TFAP2E: variants seen among roughly 807,000 people sequenced by gnomAD.
TFAP2E encodes the protein transcription factor AP-2 epsilon.
Under a neutral mutation model 37.9 loss-of-function variants are expected in TFAP2E, and 30 were observed. The ratio of observed to expected loss-of-function variants is 0.79; its 90% CI spans 0.59 to 1.07. TFAP2E has a LOEUF of 1.07. Among genes scored for constraint, TFAP2E ranks in the 50% least tolerant of loss-of-function variants. The pLI is 0.00. For missense variants in TFAP2E, 567 were observed against 637.9 expected, an observed-to-expected ratio of 0.89 and a Z score of 1.20; for synonymous variants, 318 against 295.8, an observed-to-expected ratio of 1.08 and a Z score of -0.77.
chr1:35,587,145 G>A (rs190091498), intron 3 of TFAP2E, among the ~76,000 whole-genome samples: 1 of 152,262 alleles, frequency 6.6e-6, no homozygotes, highest in East Asian at 1.9e-4. Context: ...CCACACCCGA[G>A]CCTCACTCCT....
At position 35,577,062 on chromosome 1, in the gene TFAP2E, C is replaced by CAGTGGAGCG. The variant is rs1245548607; in HGVS notation, c.562+2072_562+2080dup. 1.3e-5 allele frequency among the ~76,000 whole-genome samples: 2 copies of CAGTGGAGCG among 152,114 alleles called. No homozygotes were observed. The highest frequency in any genetic ancestry group is 4.8e-5 in the African/African-American group (2 of 41,434). On this transcript the variant is annotated intron_variant, in intron 3 of 6. Coordinates refer to ENST00000373235, the MANE Select transcript of TFAP2E (RefSeq NM_178548.4). This position sits in a 1 kb window ranked among gnomAD's most constrained non-coding sequence, Gnocchi z 6.3. ...CCCCAGCGCCAGCGGGTCTGTGGCC[C>CAGTGGAGCG]AGTGGAGCGAGTGGAGCGCTGGCGA... is the stretch of plus-strand genomic sequence containing the variant.
At position 35,590,728 on chromosome 1, in the gene TFAP2E, T is replaced by C; in HGVS notation, c.999T>C (p.Ala333=). ...AAAEYLCRQH[A]DPGELHSRKS... ...CCGAGTACCTGTGCCGACAGCACGC[T>C]GACCCGGGGGAGCTGCACAGCCGCA... is the stretch of plus-strand genomic sequence containing the variant. Residue 333 remains alanine (A), a synonymous_variant, in exon 6 of 7, where the codon GCT becomes GCC. Transcript: ENST00000373235. This position sits in a 1 kb window ranked among gnomAD's most constrained non-coding sequence, Gnocchi z 6.2. 6.5e-7 allele frequency: 1 copy of C among 1,545,390 alleles called. No homozygotes were observed. Among genetic ancestry groups the C allele is most frequent in the Non-Finnish European group, 8.8e-7 (1 of 1,135,700 alleles).
chr1:35,585,167 C>CA (rs1649451286), intron 3 of TFAP2E, among the ~76,000 whole-genome samples: 1 of 152,116 alleles, frequency 6.6e-6, no homozygotes, highest in Admixed American at 6.5e-5. Flanking sequence ...CTGTGGGGCT[C>CA]AAAGAGCTCA....
At chr1:35,579,548 C>T (rs1336997434) in intron 3 of TFAP2E, among the ~76,000 whole-genome samples, 1 of 151,982 alleles carries the variant, frequency 6.6e-6, no homozygotes, top group East Asian at 2.0e-4. Flanking sequence ...GTACCTGTCA[C>T]CACGCCCAGC....
chr1:35,574,386 G>C lies in TFAP2E; in HGVS notation c.487G>C (p.Ala163Pro). The change falls in exon 2 of 7, where the codon GCC becomes CCC. Residue 163 changes from alanine to proline, a missense_variant. By Grantham distance (27) the Ala-to-Pro change is conservative (BLOSUM62 -1). Transcript: ENST00000373235. ...APLGLPGLAA[A>P]PGLEDLQAMD... ...TCTCGGCCTTCCGGGGCTGGCGGCG[G>C]CCCCCGGTCTGGAGGACCTGCAGGT... 4 of 1,435,432 alleles carry C rather than the reference G, an allele frequency of 2.8e-6. No individual in the cohort carries two copies. The highest frequency in any genetic ancestry group is 1.5e-5 in the African/African-American group (1 of 67,114). The allele number at this position is 1,435,432 out of a possible 1,614,324, so 88.9% of individuals were successfully genotyped here.
intron 3 of TFAP2E, among the ~76,000 whole-genome samples, chr1:35,579,396 C>CA (rs879878085): frequency 0.05 from 7,030 of 139,482 alleles, 371 homozygotes; most frequent in East Asian, 0.25. Flanking sequence ...AACTCTGTCT[C>CA]AAAAAAAAAA....
intron 3 of TFAP2E, among the ~76,000 whole-genome samples, chr1:35,576,663 C>T (rs939204640): frequency 6.6e-6 from 1 of 152,208 alleles, no homozygotes; most frequent in Non-Finnish European, 1.5e-5. Context: ...TTCCTCTGAG[C>T]ACCTTAACCC....
rs1389545296 is a variant in TFAP2E, at chr1:35,594,803, A to C, written c.*127A>C. On this transcript the variant is annotated 3_prime_UTR_variant, in exon 7 of 7. Transcript: ENST00000373235. Reference sequence around the variant, plus strand: ...GGCCAGAAAGAGAACATTCATCCAGAGATCCCAGAGTTGGGGATCTGGCTT... The same window carrying C: ...GGCCAGAAAGAGAACATTCATCCAGCGATCCCAGAGTTGGGGATCTGGCTT... 1 of 1,409,896 alleles carries C rather than the reference A, an allele frequency of 7.1e-7. No homozygotes were observed. The highest frequency in any genetic ancestry group is 2.5e-5 in the Admixed American group (1 of 40,206). The allele number at this position is 1,409,896 out of a possible 1,614,324, so 87.3% of individuals were successfully genotyped here.
Position 35,588,493 on chromosome 1 carries a change from G to T in TFAP2E, c.726G>T (p.Gln242His). ...ACAAGGTGACGGTGGGGGAGGTGCA[G>T]CGGCGACTCTCGCCTCCCGAGTGCC... ...SKYKVTVGEV[Q>H]RRLSPPECLN... is the part of the protein sequence containing the mutation. The change falls in exon 4 of 7, where the codon CAG becomes CAT. Residue 242 changes from glutamine to histidine, a missense_variant. By Grantham distance (24) the Gln-to-His change is conservative. Around this residue, in one of 3 missense-constraint regions of TFAP2E, gnomAD observed 252 missense variants for 302.6 expected, o/e 0.83. Coordinates refer to ENST00000373235, the MANE Select transcript of TFAP2E (RefSeq NM_178548.4). This position sits in a 1 kb window ranked among gnomAD's most constrained non-coding sequence, Gnocchi z 5.1. 6.2e-7 allele frequency: 1 copy of T among 1,607,938 alleles called. No individual in the cohort carries two copies.
intron 4 of TFAP2E, among the ~76,000 whole-genome samples, chr1:35,589,232 G>A (rs967677832): frequency 6.9e-6 from 1 of 143,976 alleles, no homozygotes; most frequent in Non-Finnish European, 1.5e-5. Flanking sequence ...GTGTGTGTGT[G>A]TGTGATTGCC....
Position 35,594,771 on chromosome 1 carries a change from A to G in TFAP2E, c.*95A>G, listed in dbSNP as rs576439611. 429 of 1,554,050 alleles carry G rather than the reference A, an allele frequency of 2.8e-4. No homozygotes were observed. The highest frequency in any genetic ancestry group is 4.1e-4 in the Admixed American group (21 of 51,162). ...CCTGGAAGGACTGAAAGGTGGGATT[A>G]GAGTCAGGCCAGAAAGAGAACATTC... On this transcript the variant is annotated 3_prime_UTR_variant, in exon 7 of 7. Transcript: ENST00000373235.
chr1:35,593,475 A>T (rs760538577), intron 6 of TFAP2E, among the ~76,000 whole-genome samples: 2 of 152,154 alleles, frequency 1.3e-5, no homozygotes, highest in Non-Finnish European at 2.9e-5. Flanking sequence ...TAGAACATCC[A>T]GTCCTCCCAC....
intron 6 of TFAP2E, among the ~76,000 whole-genome samples, chr1:35,593,016 G>C (rs1048087014): frequency 5.9e-5 from 9 of 152,124 alleles, no homozygotes; most frequent in Admixed American, 5.9e-4. Context: ...TGCAAGAAAA[G>C]ACAGAGAGAG....
chr1:35,590,916 G>A lies in TFAP2E; in HGVS notation c.1046+141G>A, dbSNP rs1649647514. 2 of 1,001,398 alleles carry A rather than the reference G, an allele frequency of 2.0e-6. No homozygotes were observed. Among genetic ancestry groups the A allele is most frequent in the Admixed American group, 3.9e-5 (1 of 25,638 alleles). The allele number at this position is 1,001,398 out of a possible 1,614,324, so 62.0% of individuals were successfully genotyped here. A position where few individuals can be genotyped will look rare whatever the true frequency, so the allele number is the denominator to read the frequency against. On this transcript the variant is annotated intron_variant, in intron 6 of 6. Coordinates refer to ENST00000373235, the MANE Select transcript of TFAP2E (RefSeq NM_178548.4). The surrounding 1 kb of genome is among the most constrained non-coding windows in gnomAD (Gnocchi z 6.2). ...GCACCACTGTGTACACGAGCAGTGG[G>A]CACACACACATACGTGCGCACCACT...
chr1:35,586,798 G>A (rs1447043682), intron 3 of TFAP2E, among the ~76,000 whole-genome samples: 3 of 152,098 alleles, frequency 2.0e-5, no homozygotes, highest in African/African-American at 2.4e-5. Flanking sequence ...GAGACTAGAC[G>A]TTCTGCCAGG....
chr1:35,592,873 A>G (rs1017982378), intron 6 of TFAP2E, among the ~76,000 whole-genome samples: 3 of 152,164 alleles, frequency 2.0e-5, no homozygotes, highest in Non-Finnish European at 4.4e-5. Flanking sequence ...CATTAATCCC[A>G]TTCATGACGG....
rs1557440845 is a variant in TFAP2E, at chr1:35,594,656, G to A, written c.1309G>A (p.Asp437Asn). The change falls in exon 7 of 7, where the codon GAT becomes AAT. Residue 437 changes from aspartate to asparagine, a missense_variant. Transcript: ENST00000373235. The stretch of plus-strand genomic sequence containing the variant: ...TGGTGAAACCAAGGCTTCGGAGAAG[G>A]ATGCCAAGCATCGGAAATAACTGCT... ...GHGETKASEK[D>N]AKHRK is the part of the protein sequence containing the mutation. 6.2e-7 allele frequency: 1 copy of A among 1,613,964 alleles called. No individual in the cohort carries two copies. The highest frequency in any genetic ancestry group is 1.3e-5 in the African/African-American group (1 of 74,930).
rs1649196899 is a variant in TFAP2E at position 35,577,002 on chromosome 1, ACCCCAGCGCCAGCGGGACCCCAGCGCCAG to A, written c.562+2004_562+2032del. ...CCAGCGGGACCCCAGCGCCAGCGGGACCCCAGCGCCAGCGGGACCCCAGCGCCAGCGGGACCCCAGCGCCAGCGGGTCTG... is the reference window on the plus strand; with the variant it reads ...CCAGCGGGACCCCAGCGCCAGCGGGACGGGACCCCAGCGCCAGCGGGTCTG... On this transcript the variant is annotated intron_variant, in intron 3 of 6. Coordinates refer to ENST00000373235, the MANE Select transcript of TFAP2E (RefSeq NM_178548.4). This position sits in a 1 kb window ranked among gnomAD's most constrained non-coding sequence, Gnocchi z 6.3. Among the ~76,000 whole-genome samples the A allele has an allele frequency of 3.1e-5, 3 of 96,086 alleles. No individual in the cohort carries two copies. The highest frequency in any genetic ancestry group is 1.4e-4 in the African/African-American group (3 of 21,518). The allele number at this position is 96,086 out of a possible 152,430, so 63.0% of individuals were successfully genotyped here.
At chr1:35,582,780 C>T (rs1255545987) in intron 3 of TFAP2E, among the ~76,000 whole-genome samples, 5 of 152,120 alleles carry the variant, frequency 3.3e-5, no homozygotes, top group African/African-American at 1.2e-4. Context: ...CTGCCTGAGC[C>T]TCTCGAGTAA....
Sources: allele counts gnomAD v4.1 joint callset (sites outside exome capture counted in the v4.1 genomes callset), GRCh38; gene constraint gnomAD v4.1.1; regional missense constraint gnomAD v4.1.1; non-coding constraint Gnocchi (gnomAD v3.1); transcripts MANE v1.5; gene names NCBI Gene and HGNC (gene_info 2026-07-23, HGNC 2026-07-21).